CORIN: variants seen among roughly 807,000 people sequenced by gnomAD.
CORIN encodes the protein atrial natriuretic peptide-converting enzyme.
CORIN carries 117 observed loss-of-function variants against 125.3 expected under a neutral mutation model. The observed-to-expected ratio is 0.93, with a 90% CI of 0.80 to 1.09. The LOEUF is 1.09. CORIN is among the 50% of genes least tolerant of loss of function. The pLI is 0.00. For missense variants in CORIN, 1,253 were observed against 1,306.7 expected (o/e 0.96, Z 0.63); for synonymous variants, 450 against 466.4 (o/e 0.96, Z 0.45).
At chr4:47,785,511 G>T (rs1577920973) in intron 3 of CORIN, among the ~76,000 whole-genome samples, 1 of 147,692 alleles carries the variant, frequency 6.8e-6, no homozygotes, top group South Asian at 2.2e-4. Flanking sequence ...TTTTTCTCAA[G>T]GTGTGATTTT....
intron 5 of CORIN, among the ~76,000 whole-genome samples, chr4:47,723,180 AT>A (rs1442095673): frequency 6.6e-6 from 1 of 152,148 alleles, no homozygotes; most frequent in African/African-American, 2.4e-5. Flanking sequence ...AAGGTTGCCT[AT>A]TTGCCCCAGA....
intron 16 of CORIN, among the ~76,000 whole-genome samples, chr4:47,635,408 G>A (rs73238618): frequency 0.054 from 8,176 of 152,292 alleles, 292 homozygotes; most frequent in Non-Finnish European, 0.086. Flanking sequence ...GCCTCAAGTA[G>A]GATTGTCAAA....
chr4:47,733,020 T>C lies in CORIN; in HGVS notation c.799+11382A>G, dbSNP rs576751736. Among the ~76,000 whole-genome samples, 89 of 152,324 alleles carry C rather than the reference T, an allele frequency of 5.8e-4. 1 individual carries two copies. The highest frequency in any genetic ancestry group is 1.9e-3 in the African/African-American group (80 of 41,574). Reference sequence around the variant, plus strand: ...CATCTCTCCACTGGCCTATGAACTCTTTAAAAATATGCCTGTCTTCATGCC... The same window carrying C: ...CATCTCTCCACTGGCCTATGAACTCCTTAAAAATATGCCTGTCTTCATGCC... On this transcript the variant is annotated intron_variant, in intron 5 of 21. Coordinates refer to ENST00000273857, the MANE Select transcript of CORIN (RefSeq NM_006587.4).
intron 10 of CORIN, among the ~76,000 whole-genome samples, chr4:47,667,364 A>G (rs907634348): frequency 1.3e-5 from 2 of 152,328 alleles, no homozygotes; most frequent in African/African-American, 4.8e-5. Context: ...GGAATACAGC[A>G]GAGAGGCTCC....
At chr4:47,821,040 G>A (rs4695277) in intron 1 of CORIN, among the ~76,000 whole-genome samples, 12,114 of 152,038 alleles carry the variant, frequency 0.08, 711 homozygotes, top group East Asian at 0.31. Flanking sequence ...TTCAAGCCCA[G>A]CCTGGCCAAT....
intron 21 of CORIN, 65 bp from the exon 22 acceptor site, chr4:47,595,968 T>A (rs1721234878): frequency 7.6e-7 from 1 of 1,323,700 alleles, no homozygotes; most frequent in Non-Finnish European, 1.0e-6. Flanking sequence ...GTCCATGCTA[T>A]CCTGAGGATA....
intron 3 of CORIN, among the ~76,000 whole-genome samples, chr4:47,764,839 A>G (rs1729635524): frequency 6.6e-6 from 1 of 152,186 alleles, no homozygotes; most frequent in Non-Finnish European, 1.5e-5. Flanking sequence ...GTATATTTTG[A>G]CCACACCTTT....
chr4:47,835,458 A>G (rs756218157), intron 1 of CORIN, among the ~76,000 whole-genome samples: 1 of 152,210 alleles, frequency 6.6e-6, no homozygotes, highest in Non-Finnish European at 1.5e-5. Context: ...CAGAAACCCT[A>G]AGACCACAAG....
At chr4:47,748,182 T>C (rs1333759670) in intron 4 of CORIN, among the ~76,000 whole-genome samples, 1 of 152,170 alleles carries the variant, frequency 6.6e-6, no homozygotes, top group Non-Finnish European at 1.5e-5. Context: ...AAATGTGTAG[T>C]CATTTTTTCT....
intron 6 of CORIN, among the ~76,000 whole-genome samples, chr4:47,688,463 G>A (rs570748952): frequency 2.5e-4 from 38 of 152,216 alleles, no homozygotes; most frequent in Non-Finnish European, 4.6e-4. Flanking sequence ...CAGGCCTGGC[G>A]TGGTGGCTCA....
intron 11 of CORIN, among the ~76,000 whole-genome samples, chr4:47,663,398 T>G (rs1724338074): frequency 6.6e-6 from 1 of 152,114 alleles, no homozygotes; most frequent in Admixed American, 6.6e-5. Context: ...ATGAACTTAT[T>G]AGCATATTAT....
Position 47,684,901 on chromosome 4 carries a change from C to T in CORIN, c.914-1063G>A, listed in dbSNP as rs190903318. Among the ~76,000 whole-genome samples the T allele has an allele frequency of 1.5e-4, 22 of 149,968 alleles. No homozygotes were observed. The East Asian group carries it at 1.7e-3, about 12-fold the overall frequency. ...GTTATTAGTCATTAAGCAAAGGCAG[C>T]GGGAGGTGAGAGGGCAGGACAAAAC... On this transcript the variant is annotated intron_variant, in intron 6 of 21. Coordinates refer to ENST00000273857, the MANE Select transcript of CORIN (RefSeq NM_006587.4).
chr4:47,603,448 C>T lies in CORIN; in HGVS notation c.2761G>A (p.Glu921Lys), dbSNP rs774046821. ...VCLPNPEQWL[E>K]PDTYCYITGW... Reference sequence around the variant, plus strand: ...GTGATATAGCAGTACGTGTCAGGCTCTAGCCACTGCTCCGGGTTGGGCAAG... The same window carrying T: ...GTGATATAGCAGTACGTGTCAGGCTTTAGCCACTGCTCCGGGTTGGGCAAG... Residue 921 changes from glutamate to lysine, a missense_variant, in exon 20 of 22, where the codon GAG (glutamate) becomes AAG (lysine). Glu to Lys is a moderately conservative substitution (Grantham distance 56, BLOSUM62 1). Coordinates refer to ENST00000273857, the MANE Select transcript of CORIN (RefSeq NM_006587.4). 2.5e-6 allele frequency: 4 copies of T among 1,614,176 alleles called. No individual in the cohort carries two copies. In the South Asian group the frequency reaches 3.3e-5, roughly 13 times the overall value.
intron 19 of CORIN, among the ~76,000 whole-genome samples, chr4:47,606,240 T>G (rs563670702): frequency 6.6e-6 from 1 of 152,242 alleles, no homozygotes; most frequent in South Asian, 2.1e-4. Context: ...AAGATAATGT[T>G]ACAGAATAAT....
intron 19 of CORIN, 66 bp from the exon 20 acceptor site, chr4:47,603,734 A>G (rs1721539517): frequency 6.6e-7 from 1 of 1,525,448 alleles, no homozygotes; most frequent in Non-Finnish European, 8.9e-7. Flanking sequence ...ATTCACATGT[A>G]ATTTTAAAAC....
chr4:47,826,789 G>A (rs915653834), intron 1 of CORIN, among the ~76,000 whole-genome samples: 23 of 152,030 alleles, frequency 1.5e-4, no homozygotes, highest in African/African-American at 4.3e-4. Context: ...GTCATTGTTC[G>A]GAACATCTCG....
intron 12 of CORIN, among the ~76,000 whole-genome samples, chr4:47,660,353 AAAAGCTTCTGC>A (rs1724187570): frequency 6.6e-6 from 1 of 152,226 alleles, no homozygotes; most frequent in Non-Finnish European, 1.5e-5. Flanking sequence ...CATAAAGTTA[AAAAGCTTCTGC>A]AAAGCAAAGG....
At chr4:47,765,473 A>G (rs905416831) in intron 3 of CORIN, among the ~76,000 whole-genome samples, 6 of 152,240 alleles carry the variant, frequency 3.9e-5, no homozygotes, top group Middle Eastern at 3.4e-3. Flanking sequence ...ACTTTTTGCT[A>G]TTATATTGCT....
chr4:47,637,115 G>C (rs1375244886), intron 16 of CORIN, among the ~76,000 whole-genome samples: 1 of 152,192 alleles, frequency 6.6e-6, no homozygotes, highest in Non-Finnish European at 1.5e-5. Flanking sequence ...TTACCAAAGA[G>C]AGTGGTGGTA....
Sources: gnomAD v4.1 joint callset for allele counts (sites outside exome capture counted in the v4.1 genomes callset) on GRCh38, gnomAD v4.1.1 for gene constraint, MANE v1.5 for transcripts, NCBI Gene and HGNC (gene_info 2026-07-23, HGNC 2026-07-21) for gene names.